Variants in USP42 observed in about 807,000 individuals in gnomAD.
USP42 encodes the protein ubiquitin carboxyl-terminal hydrolase 42.
USP42 carries 23 observed loss-of-function variants against 113.0 expected under a neutral mutation model. The observed-to-expected ratio is 0.20, with a 90% CI of 0.15 to 0.29. The LOEUF (loss-of-function observed/expected upper bound fraction) is 0.29, where lower values mean the gene tolerates loss of function less well. Among genes scored for constraint, USP42 ranks in the 10% least tolerant of loss-of-function variants. The pLI, the probability that USP42 is intolerant of heterozygous loss-of-function variation, is 1.00. For missense variants in USP42, 2,174 were observed against 1,779.8 expected, an observed-to-expected ratio of 1.22 and a Z score of -3.99; for synonymous variants, 933 against 699.0, an observed-to-expected ratio of 1.33 and a Z score of -5.28.
intron 1 of USP42, among the ~76,000 whole-genome samples, chr7:6,105,833 C>G (rs1285545005): frequency 6.6e-6 from 1 of 152,212 alleles, no homozygotes; most frequent in African/African-American, 2.4e-5. Flanking sequence ...TAACCCCTCT[C>G]ACATGCATGC....
intron 8 of USP42, 133 bp downstream of exon 8, chr7:6,143,147 T>G: frequency 1.2e-6 from 1 of 845,152 alleles, no homozygotes; most frequent in Non-Finnish European, 1.9e-6. Context: ...ACTGCGTCCC[T>G]GTCGTCCAAA....
Position 6,154,849 on chromosome 7 carries a change from G to C in USP42, c.3295G>C (p.Gly1099Arg). The change falls in exon 15 of 18, where the codon GGC becomes CGC. Residue 1099 changes from glycine to arginine, a missense_variant. Gly to Arg is a moderately radical substitution (Grantham distance 125). Coordinates refer to ENST00000306177, the MANE Select transcript of USP42 (RefSeq NM_032172.3). Reference protein sequence around the residue: ...HERPHKDHNRGRRGCEPARER... With the variant: ...HERPHKDHNRRRRGCEPARER... ...GCGGCCGCACAAGGACCACAACCGG[G>C]GCCGTAGGGGCTGCGAGCCGGCCCG... is the stretch of plus-strand genomic sequence containing the variant. 8 of 1,532,912 alleles carry C rather than the reference G, an allele frequency of 5.2e-6. No homozygotes were observed. The highest frequency in any genetic ancestry group is 6.2e-6 in the Non-Finnish European group (7 of 1,137,838). The allele number at this position is 1,532,912 out of a possible 1,614,324, so 95.0% of individuals were successfully genotyped here.
the USP42 span, among the ~76,000 whole-genome samples, chr7:6,089,816 C>A: frequency 6.6e-6 from 1 of 150,398 alleles, no homozygotes; most frequent in African/African-American, 2.5e-5. Flanking sequence ...CAGGTGTGAG[C>A]TACCGCGCCC....
In USP42 at chr7:6,135,834, C is replaced by T. The variant is rs1224492491; in HGVS notation, c.443-7C>T. 2.5e-6 allele frequency: 4 copies of T among 1,578,896 alleles called. No homozygotes were observed. In the South Asian group the frequency reaches 3.5e-5, roughly 14 times the overall value. ...GCTAATTTGGAGGATTATCATCTAT[C>T]TTTCAGGTCATGCAGAAGGCTTTTG... On this transcript the variant is annotated splice_polypyrimidine_tract_variant and splice_region_variant and intron_variant, in intron 3 of 17. Transcript: ENST00000306177.
At position 6,139,257 on chromosome 7, in the gene USP42, T is replaced by C. The variant is rs1047216084; in HGVS notation, c.656+63T>C. 4.5e-5 allele frequency: 59 copies of C among 1,309,666 alleles called. No individual in the cohort carries two copies. Among genetic ancestry groups the C allele is most frequent in the South Asian group, 4.1e-4 (28 of 68,854 alleles). 81.1% of individuals were successfully genotyped at this position (1,309,666 alleles called of 1,614,324 possible). A position where few individuals can be genotyped will look rare whatever the true frequency, so the allele number is the denominator to read the frequency against. ...GATCTCTGGTTGTAGTTTATTCTTATCAGAATTCATTTTCACCTTTTTTGT... is the reference window on the plus strand; with the variant it reads ...GATCTCTGGTTGTAGTTTATTCTTACCAGAATTCATTTTCACCTTTTTTGT... On this transcript the variant is annotated intron_variant, in intron 5 of 17. Transcript: ENST00000306177. The surrounding 1 kb of genome is among the most constrained non-coding windows in gnomAD (Gnocchi z 4.5).
rs138123913 is a variant in USP42, at chr7:6,157,893, T to C, written c.3943+838T>C. Among the ~76,000 whole-genome samples, 4 of 152,268 alleles carry C rather than the reference T, an allele frequency of 2.6e-5. No homozygotes were observed. The highest frequency in any genetic ancestry group is 4.4e-5 in the Non-Finnish European group (3 of 68,030). ...CGTCCTGTGGCCACACGCTGTGCTC[T>C]TACTGCACTTGAGGCAGCCCCCCAC... On this transcript the variant is annotated intron_variant, in intron 16 of 17. Transcript: ENST00000306177. This position sits in a 1 kb window ranked among gnomAD's most constrained non-coding sequence, Gnocchi z 4.1.
upstream of USP42, among the ~76,000 whole-genome samples, chr7:6,100,061 C>T (rs1475805597): frequency 1.4e-5 from 2 of 147,688 alleles, no homozygotes; most frequent in Non-Finnish European, 3.0e-5. Context: ...CTATGTTGCC[C>T]AGGCTGGTCT....
In USP42 at chr7:6,151,888, G is replaced by A. The variant is rs115084186; in HGVS notation, c.2201+1382G>A. ...GTTGCCCTTGGACTGTTACAGTGAC[G>A]GGAGTTTTCAGCTATGTTGTGATCT... is the stretch of plus-strand genomic sequence containing the variant. On this transcript the variant is annotated intron_variant, in intron 14 of 17. Coordinates refer to ENST00000306177, the MANE Select transcript of USP42 (RefSeq NM_032172.3). 8.8e-3 allele frequency among the ~76,000 whole-genome samples: 1,338 copies of A among 152,288 alleles called. 15 individuals carry two copies. Among genetic ancestry groups the A allele is most frequent in the African/African-American group, 0.024 (986 of 41,556 alleles).
chr7:6,152,745 T>C (rs908978151), intron 14 of USP42, among the ~76,000 whole-genome samples: 15 of 152,150 alleles, frequency 9.9e-5, no homozygotes, highest in African/African-American at 3.1e-4. Context: ...CGAGGATATA[T>C]CGAAAGCTCT....
intron 3 of USP42, among the ~76,000 whole-genome samples, chr7:6,131,438 C>T (rs1780847197): frequency 6.6e-6 from 1 of 152,086 alleles, no homozygotes; most frequent in African/African-American, 2.4e-5. Context: ...CCCGCCACTG[C>T]ACTCCAGCCT....
At chr7:6,123,873 G>T (rs1262770256) in intron 3 of USP42, among the ~76,000 whole-genome samples, 9 of 140,854 alleles carry the variant, frequency 6.4e-5, no homozygotes, top group African/African-American at 1.9e-4. Flanking sequence ...TTTCTTTTTC[G>T]TATCGTTTCT....
chr7:6,140,642 G>A (rs1159417295), intron 6 of USP42, among the ~76,000 whole-genome samples: 3 of 152,124 alleles, frequency 2.0e-5, no homozygotes, highest in Admixed American at 2.0e-4. Context: ...TGGATCACAG[G>A]GAGTGTGTAT....
At position 6,139,531 on chromosome 7, in the gene USP42, T is replaced by A; in HGVS notation, c.656+337T>A. The A allele has an allele frequency of 4.6e-6, 1 of 215,660 alleles. No individual in the cohort carries two copies. Among genetic ancestry groups the A allele is most frequent in the South Asian group, 9.6e-5 (1 of 10,468 alleles). 13.4% of individuals were successfully genotyped at this position (215,660 alleles called of 1,614,324 possible). A position where few individuals can be genotyped will look rare whatever the true frequency, so the allele number is the denominator to read the frequency against. On this transcript the variant is annotated intron_variant, in intron 5 of 17. Transcript: ENST00000306177. The surrounding 1 kb of genome is among the most constrained non-coding windows in gnomAD (Gnocchi z 4.5). The stretch of plus-strand genomic sequence containing the variant: ...TCTAGTTGTGCCTGACATTTTCTTT[T>A]CTCTGCTGCCCTCCAGCCTGTGTTT...
At chr7:6,142,601 G>A (rs773101849) in intron 7 of USP42, among the ~76,000 whole-genome samples, 14 of 152,130 alleles carry the variant, frequency 9.2e-5, no homozygotes, top group Non-Finnish European at 1.3e-4. Context: ...TAAGGGGCAC[G>A]GCTGGGCATG....
chr7:6,118,841 C>G (rs188927380), intron 3 of USP42, among the ~76,000 whole-genome samples: 13 of 152,262 alleles, frequency 8.5e-5, no homozygotes, highest in Non-Finnish European at 1.5e-4. Flanking sequence ...TCAATACGAT[C>G]TATTTCTGGA....
At chr7:6,147,693 A>G (rs767307650) in intron 11 of USP42, 46 bp from the exon 12 acceptor site, 6 of 1,522,666 alleles carry the variant, frequency 3.9e-6, no homozygotes, top group Non-Finnish European at 5.3e-6. Flanking sequence ...ATCTCTCCTA[A>G]GGAGGTGTCC....
chr7:6,144,311 AC>A, intron 9 of USP42, 115 bp downstream of exon 9: 1 of 665,882 alleles, frequency 1.5e-6, no homozygotes, highest in Non-Finnish European at 2.5e-6. Flanking sequence ...GCTAACTATT[AC>A]CTACATTTGG....
At chr7:6,130,529 C>T (rs893409819) in intron 3 of USP42, among the ~76,000 whole-genome samples, 6 of 152,078 alleles carry the variant, frequency 3.9e-5, no homozygotes, top group Non-Finnish European at 7.4e-5. Context: ...ATTGTCACAA[C>T]GTGGGGTGGG....
At chr7:6,101,760 C>T (rs966617767), upstream of USP42, among the ~76,000 whole-genome samples, 1 of 150,974 alleles carries the variant, frequency 6.6e-6, no homozygotes, top group Admixed American at 6.6e-5. Flanking sequence ...TCTGGGTAGA[C>T]AACGCCAAGA....
Sources: allele counts gnomAD v4.1 joint callset (sites outside exome capture counted in the v4.1 genomes callset), GRCh38; gene constraint gnomAD v4.1.1; non-coding constraint Gnocchi (gnomAD v3.1); transcripts MANE v1.5; gene names NCBI Gene and HGNC (gene_info 2026-07-23, HGNC 2026-07-21).